The following PRKN variants were observed in gnomAD, a reference collection of about 807,000 sequenced individuals.
The protein encoded by PRKN is parkin RBR E3 ubiquitin protein ligase, also known as E3 ubiquitin-protein ligase parkin.
PRKN carries 56 observed loss-of-function variants against 59.5 expected under a neutral mutation model. The ratio of observed to expected loss-of-function variants is 0.94; its 90% CI spans 0.76 to 1.18. The LOEUF is 1.18. Ranked by LOEUF, PRKN falls within the 50% of genes most tolerant of loss-of-function variation. PRKN has a pLI of 0.00. For missense variants in PRKN, 657 were observed against 596.4 expected, an observed-to-expected ratio of 1.10 and a Z score of -1.06; for synonymous variants, 250 against 222.1, an observed-to-expected ratio of 1.13 and a Z score of -1.12.
chr6:162,007,681 T>G (rs984550120), intron 5 of PRKN, among the ~76,000 whole-genome samples: 1 of 152,086 alleles, frequency 6.6e-6, no homozygotes, highest in African/African-American at 2.4e-5. Context: ...CAGACAACAT[T>G]ATTACCTTAA....
At chr6:161,931,360 C>T (rs1779165178) in intron 6 of PRKN, among the ~76,000 whole-genome samples, 2 of 152,098 alleles carry the variant, frequency 1.3e-5, no homozygotes, top group South Asian at 2.1e-4. Flanking sequence ...ATTGCTTGAA[C>T]CTGGGAGGTA....
At chr6:162,527,327 C>T (rs1778327073) in intron 1 of PRKN, among the ~76,000 whole-genome samples, 1 of 152,168 alleles carries the variant, frequency 6.6e-6, no homozygotes, top group Non-Finnish European at 1.5e-5. Context: ...TAAATTCGCA[C>T]ATAACAGTCT....
rs370271614 is a variant in PRKN, at chr6:161,386,837, C to T, written c.1124G>A (p.Gly375Glu). 3.7e-6 allele frequency: 6 copies of T among 1,613,970 alleles called. No individual in the cohort carries two copies. In the African/African-American group the frequency reaches 4.0e-5, roughly 11 times the overall value. ...GGCTTCAAATACGGCACTGCACTCCCCTTCATGGTACGCTTCTTTACATTC... is the reference window on the plus strand; with the variant it reads ...GGCTTCAAATACGGCACTGCACTCCTCTTCATGGTACGCTTCTTTACATTC... ...CRECKEAYHE[G>E]ECSAVFEASG... Residue 375 changes from glycine (G) to glutamate (E), a missense_variant, in exon 10 of 12, where the codon GGG (glycine) becomes GAG (glutamate). Physicochemically the swap from Gly to Glu is moderately conservative, Grantham distance 98. Transcript: ENST00000366898. This position sits in a 1 kb window ranked among gnomAD's most constrained non-coding sequence, Gnocchi z 4.3.
chr6:162,250,291 T>C (rs1489069114), intron 3 of PRKN, among the ~76,000 whole-genome samples: 1 of 152,154 alleles, frequency 6.6e-6, no homozygotes, highest in Non-Finnish European at 1.5e-5. Context: ...TGTTTTCCTA[T>C]TGGCAGGGAG....
intron 1 of PRKN, among the ~76,000 whole-genome samples, chr6:162,469,722 C>T (rs1264863513): frequency 6.6e-6 from 1 of 150,894 alleles, no homozygotes; most frequent in African/African-American, 2.5e-5. Flanking sequence ...ACTCTGGGGA[C>T]TCAACAGGAA....
chr6:162,288,848 C>T (rs1781308012), intron 2 of PRKN, among the ~76,000 whole-genome samples: 1 of 152,124 alleles, frequency 6.6e-6, no homozygotes, highest in African/African-American at 2.4e-5. Context: ...AGGCTGAAGC[C>T]CCTTGAGGAC....
intron 1 of PRKN, among the ~76,000 whole-genome samples, chr6:162,453,765 T>C (rs1173058085): frequency 6.6e-6 from 1 of 152,000 alleles, no homozygotes; most frequent in East Asian, 1.9e-4. Context: ...TAGCTGGGCG[T>C]GGTGGCGCAC....
intron 5 of PRKN, among the ~76,000 whole-genome samples, chr6:162,019,141 T>C (rs1411375594): frequency 6.6e-6 from 1 of 152,196 alleles, no homozygotes; most frequent in Non-Finnish European, 1.5e-5. Context: ...TAAAATTCTA[T>C]AATCAAATTT....
At chr6:161,746,062 G>C (rs1168002514) in intron 7 of PRKN, among the ~76,000 whole-genome samples, 1 of 152,196 alleles carries the variant, frequency 6.6e-6, no homozygotes, top group Admixed American at 6.5e-5. Flanking sequence ...AACCTCCTAT[G>C]ATCCAGGCAG....
At chr6:162,057,222 G>A (rs577087427) in intron 4 of PRKN, among the ~76,000 whole-genome samples, 15 of 152,290 alleles carry the variant, frequency 9.8e-5, no homozygotes, top group African/African-American at 3.6e-4. Flanking sequence ...CTGTGTTCAC[G>A]ATAATGGAAG....
intron 6 of PRKN, among the ~76,000 whole-genome samples, chr6:161,887,478 T>A (rs776478328): frequency 6.6e-5 from 10 of 152,204 alleles, no homozygotes; most frequent in Non-Finnish European, 1.0e-4. Context: ...ACTCCTTAAT[T>A]CACAGTATAA....
At chr6:161,940,464 T>C (rs1008725700) in intron 6 of PRKN, among the ~76,000 whole-genome samples, 2 of 152,138 alleles carry the variant, frequency 1.3e-5, no homozygotes, top group Admixed American at 6.5e-5. Flanking sequence ...TCTCTTGAAG[T>C]TGAAAATTTT....
chr6:161,632,912 A>G (rs1783369803), intron 7 of PRKN, among the ~76,000 whole-genome samples: 1 of 152,218 alleles, frequency 6.6e-6, no homozygotes, highest in South Asian at 2.1e-4. Flanking sequence ...GGTCCCTCCC[A>G]TGACACATGG....
intron 3 of PRKN, among the ~76,000 whole-genome samples, chr6:162,209,074 C>T (rs939466442): frequency 6.6e-6 from 1 of 152,116 alleles, no homozygotes; most frequent in African/African-American, 2.4e-5. Flanking sequence ...AAAGCAATGG[C>T]AACAAAAGCC....
At chr6:161,969,944 C>T (rs1356142948) in intron 6 of PRKN, among the ~76,000 whole-genome samples, 1 of 152,102 alleles carries the variant, frequency 6.6e-6, no homozygotes, top group Non-Finnish European at 1.5e-5. Context: ...TTTAGCTGAA[C>T]TAAGGAGAAA....
intron 1 of PRKN, among the ~76,000 whole-genome samples, chr6:162,676,895 T>C (rs1029106210): frequency 6.6e-6 from 1 of 151,762 alleles, no homozygotes. Flanking sequence ...ACCCCATCTC[T>C]ACTAAAAATA....
intron 9 of PRKN, among the ~76,000 whole-genome samples, chr6:161,513,525 A>T (rs114725281): frequency 1.1e-4 from 16 of 142,828 alleles, no homozygotes; most frequent in African/African-American, 1.0e-4. Context: ...ATTACAGCAC[A>T]TTTTTTTTTT....
chr6:162,431,056 T>G (rs546899569), intron 2 of PRKN, among the ~76,000 whole-genome samples: 1 of 152,170 alleles, frequency 6.6e-6, no homozygotes, highest in African/African-American at 2.4e-5. Flanking sequence ...GTTATTATGT[T>G]GGTCCCTTAA....
intron 4 of PRKN, among the ~76,000 whole-genome samples, chr6:162,180,464 C>CAG (rs10651395): frequency 0.9 from 137,030 of 151,922 alleles, 62,558 homozygotes; most frequent in Non-Finnish European, 0.98. Flanking sequence ...AGAAAGTCAT[C>CAG]AGGTCTCGAA....
Sources: allele counts gnomAD v4.1 joint callset (sites outside exome capture counted in the v4.1 genomes callset), GRCh38; gene constraint gnomAD v4.1.1; non-coding constraint Gnocchi (gnomAD v3.1); transcripts MANE v1.5; gene names NCBI Gene and HGNC (gene_info 2026-07-23, HGNC 2026-07-21).